IL17RC: variants seen among roughly 807,000 people sequenced by gnomAD.
The protein encoded by IL17RC is interleukin 17 receptor C.
In IL17RC, 53 loss-of-function variants were observed where a neutral mutation model predicts 86.7. That is an observed-to-expected ratio of 0.61 (90% CI 0.49 to 0.77). The LOEUF (loss-of-function observed/expected upper bound fraction) is 0.77, where lower values mean the gene tolerates loss of function less well. Ranked by LOEUF, IL17RC falls within the 30% of genes least tolerant of loss-of-function variation. The pLI is 0.00. For synonymous variants in IL17RC, 439 were observed against 413.1 expected (o/e 1.06, Z -0.76); for missense variants, 957 against 940.0 (o/e 1.02, Z -0.24).
rs1159801909 is a variant in IL17RC at position 9,933,578 on chromosome 3, G to T, written c.2148G>T (p.Ala716=). 6.3e-7 allele frequency: 1 copy of T among 1,598,496 alleles called. No individual in the cohort carries two copies. The highest frequency in any genetic ancestry group is 1.7e-5 in the Admixed American group (1 of 58,542). Reference sequence around the variant, plus strand: ...TGGGACCAGGCGCGGGACCTGGGGCGGGGGACGGGACTTAAATAAAGGCAG... The same window carrying T: ...TGGGACCAGGCGCGGGACCTGGGGCTGGGGACGGGACTTAAATAAAGGCAG... ...RGVGPGAGPG[A]GDGT The change falls in exon 19 of 19, where the codon GCG becomes GCT. Residue 716 remains alanine (A), a synonymous_variant. Transcript: ENST00000403601.
Position 9,918,492 on chromosome 3 carries a change from G to T in IL17RC, c.356-8G>T, listed in dbSNP as rs777352711. The T allele has an allele frequency of 1.9e-6, 3 of 1,613,206 alleles. No individual in the cohort carries two copies. The highest frequency in any genetic ancestry group is 2.5e-6 in the Non-Finnish European group (3 of 1,179,196). ...GGGCCTGACTGACCCCTGCCCTGTT[G>T]CCCACAGCCTCTCTCCAGGCCCAAG... On this transcript the variant is annotated splice_region_variant and splice_polypyrimidine_tract_variant and intron_variant, in intron 4 of 18. Coordinates refer to ENST00000403601, the MANE Select transcript of IL17RC (RefSeq NM_153460.4).
intron 9 of IL17RC, among the ~76,000 whole-genome samples, chr3:9,925,730 CA>C (rs1406863921): frequency 6.6e-6 from 1 of 152,120 alleles, no homozygotes; most frequent in Non-Finnish European, 1.5e-5. Context: ...AGGTGGTTCC[CA>C]TTACCTCAAA....
intron 9 of IL17RC, 42 bp downstream of exon 9, chr3:9,924,333 A>G: frequency 6.3e-7 from 1 of 1,579,014 alleles, no homozygotes; most frequent in Non-Finnish European, 8.7e-7. Context: ...AGGAGTGGGA[A>G]GATGATGATG....
rs564246198 is a variant in IL17RC, at chr3:9,917,120, G to T, written c.-196G>T. 1.5e-5 allele frequency: 9 copies of T among 587,958 alleles called. No individual in the cohort carries two copies. The South Asian group carries it at 1.9e-4, about 12-fold the overall frequency. 36.4% of individuals were successfully genotyped at this position (587,958 alleles called of 1,614,324 possible). ...GCCAAAACGAAAGCACTCCGTGCTG[G>T]AAGTAGGAGGAGAGTCAGGACTCCC... On this transcript the variant is annotated 5_prime_UTR_variant, in exon 1 of 19. Coordinates refer to ENST00000403601, the MANE Select transcript of IL17RC (RefSeq NM_153460.4).
At chr3:9,929,747 C>T in intron 12 of IL17RC, 105 bp from the exon 13 acceptor site, 1 of 1,212,836 alleles carries the variant, frequency 8.2e-7, no homozygotes, top group Non-Finnish European at 1.2e-6. Flanking sequence ...AGATTGAGTG[C>T]AGATTCCCAA....
chr3:9,917,783 G>A (rs2083216831), intron 2 of IL17RC, 49 bp downstream of exon 2: 1 of 1,612,078 alleles, frequency 6.2e-7, no homozygotes, highest in African/African-American at 1.3e-5. Context: ...GCCGAAGGGA[G>A]CAGAGCTGTC....
At chr3:9,929,636 G>T in intron 12 of IL17RC, 1 of 618,310 alleles carries the variant, frequency 1.6e-6, no homozygotes, top group Admixed American at 2.8e-5. Context: ...ACAGCTTTAG[G>T]GTCAGAAGAC....
Position 9,930,637 on chromosome 3 carries a change from T to A in IL17RC, c.1338+178T>A. ...TGTTGGCTAGACACCCATAAACAGA[T>A]AACCACACCTACAGGTGCTAAGTTT... On this transcript the variant is annotated intron_variant, in intron 15 of 18. Transcript: ENST00000403601. The surrounding 1 kb of genome is among the most constrained non-coding windows in gnomAD (Gnocchi z 5.8). 1.4e-6 allele frequency: 1 copy of A among 696,266 alleles called. No homozygotes were observed. Among genetic ancestry groups the A allele is most frequent in the East Asian group, 2.7e-5 (1 of 36,852 alleles). 43.1% of individuals were successfully genotyped at this position (696,266 alleles called of 1,614,324 possible).
Position 9,933,248 on chromosome 3 carries a change from C to A in IL17RC, c.1818C>A (p.His606Gln), listed in dbSNP as rs1418803279. ...CCGGGCCCGGGGCGCACGGCCCGCACGACGCCTTCCGCGCCTCGCTCAGCT... is the reference window on the plus strand; with the variant it reads ...CCGGGCCCGGGGCGCACGGCCCGCAAGACGCCTTCCGCGCCTCGCTCAGCT... ...GVSGPGAHGP[H>Q]DAFRASLSCV... is the part of the protein sequence containing the mutation. Residue 606 changes from histidine to glutamine, a missense_variant, in exon 19 of 19, where the codon CAC becomes CAA. By Grantham distance (24) the His-to-Gln change is conservative. Transcript: ENST00000403601. 4 of 1,604,208 alleles carry A rather than the reference C, an allele frequency of 2.5e-6. No individual in the cohort carries two copies. The highest frequency in any genetic ancestry group is 3.4e-6 in the Non-Finnish European group (4 of 1,175,998).
At position 9,932,729 on chromosome 3, in the gene IL17RC, C is replaced by A. The variant is rs373351553; in HGVS notation, c.1483+26C>A. On this transcript the variant is annotated intron_variant, in intron 17 of 18. Coordinates refer to ENST00000403601, the MANE Select transcript of IL17RC (RefSeq NM_153460.4). ...GTGAGCGCTTCCCGGCTCCCCATTCCCCTGGGGGAGGACCAGAGTGGCTGT... is the reference window on the plus strand; with the variant it reads ...GTGAGCGCTTCCCGGCTCCCCATTCACCTGGGGGAGGACCAGAGTGGCTGT... 7.1e-5 allele frequency: 114 copies of A among 1,612,746 alleles called. No individual in the cohort carries two copies. The African/African-American group carries it at 1.3e-3, about 18-fold the overall frequency.
intron 2 of IL17RC, 82 bp from the exon 3 acceptor site, chr3:9,917,841 C>A (rs775401729): frequency 6.2e-7 from 1 of 1,607,314 alleles, no homozygotes; most frequent in Admixed American, 1.7e-5. Context: ...CAGCCAAGTT[C>A]TTTGGCTCTC....
rs768889598 is a variant in IL17RC, at chr3:9,932,825, C to T, written c.1489C>T (p.Leu497=). Reference sequence around the variant, plus strand: ...CCGCCCCTCTCCCCTAACAGGGTGGCTGAGGCTCTTGAAACAGGACGTCCG... The same window carrying T: ...CCGCCCCTCTCCCCTAACAGGGTGGTTGAGGCTCTTGAAACAGGACGTCCG... ...LLKKDHAKGW[L]RLLKQDVRSG... The change falls in exon 18 of 19, where the codon CTG becomes TTG. Residue 497 remains leucine (L), a synonymous_variant. Transcript: ENST00000403601. 5 of 1,562,872 alleles carry T rather than the reference C, an allele frequency of 3.2e-6. No individual in the cohort carries two copies. The highest frequency in any genetic ancestry group is 3.5e-6 in the Non-Finnish European group (4 of 1,158,496).
In IL17RC at chr3:9,929,527, G is replaced by T. The variant is rs2084452222; in HGVS notation, c.1111-325G>T. 4 of 394,434 alleles carry T rather than the reference G, an allele frequency of 1.0e-5. No homozygotes were observed. The South Asian group carries it at 1.3e-4, about 13-fold the overall frequency. The allele number at this position is 394,434 out of a possible 1,614,324, so 24.4% of individuals were successfully genotyped here. A position where few individuals can be genotyped will look rare whatever the true frequency, so the allele number is the denominator to read the frequency against. On this transcript the variant is annotated intron_variant, in intron 12 of 18. Coordinates refer to ENST00000403601, the MANE Select transcript of IL17RC (RefSeq NM_153460.4). ...AAATACCATGGGAAAGGGATAAGGT[G>T]GGACTGGGGTTGCAATTTTTAGCAG...
chr3:9,931,508 T>G (rs552003539), intron 16 of IL17RC, among the ~76,000 whole-genome samples: 1 of 149,242 alleles, frequency 6.7e-6, no homozygotes, highest in South Asian at 2.1e-4. Flanking sequence ...TATATACTTA[T>G]TTTTTTATTT....
intron 5 of IL17RC, chr3:9,918,951 T>G (rs2083325638): frequency 4.0e-6 from 1 of 248,574 alleles, no homozygotes; most frequent in Non-Finnish European, 7.8e-6. Context: ...TATTTTCCCC[T>G]CCTACCAGCA....
intron 9 of IL17RC, among the ~76,000 whole-genome samples, chr3:9,926,654 C>T (rs187275720): frequency 1.4e-3 from 207 of 151,038 alleles, no homozygotes; most frequent in African/African-American, 4.6e-3. Context: ...GACAGAGTCT[C>T]GCTCTATTGG....
intron 11 of IL17RC, 41 bp from the exon 12 acceptor site, chr3:9,928,539 G>A: frequency 1.2e-6 from 2 of 1,613,826 alleles, no homozygotes; most frequent in Non-Finnish European, 8.5e-7. Flanking sequence ...GGGAACCGGG[G>A]GTCCCCTTTT....
At chr3:9,923,811 C>A in intron 7 of IL17RC, 70 bp from the exon 8 acceptor site, 1 of 1,556,470 alleles carries the variant, frequency 6.4e-7, no homozygotes, top group Non-Finnish European at 8.8e-7. Context: ...AAGGAAACTC[C>A]AAAGGGTCAG....
Position 9,933,290 on chromosome 3 carries a change from C to T in IL17RC, c.1860C>T (p.Phe620=). The T allele has an allele frequency of 1.9e-6, 3 of 1,604,672 alleles. No homozygotes were observed. The highest frequency in any genetic ancestry group is 2.6e-6 in the Non-Finnish European group (3 of 1,175,714). ...CGCTCAGCTGCGTGCTGCCCGACTT[C>T]TTGCAGGGCCGGGCGCCCGGCAGCT... ...RASLSCVLPD[F]LQGRAPGSYV... The change falls in exon 19 of 19, where the codon TTC becomes TTT. Residue 620 remains phenylalanine, a synonymous_variant. Transcript: ENST00000403601.
Sources: allele counts gnomAD v4.1 joint callset (sites outside exome capture counted in the v4.1 genomes callset), GRCh38; gene constraint gnomAD v4.1.1; non-coding constraint Gnocchi (gnomAD v3.1); transcripts MANE v1.5; gene names NCBI Gene and HGNC (gene_info 2026-07-23, HGNC 2026-07-21).